The following CCNE2 variants were observed in gnomAD, a reference collection of about 807,000 sequenced individuals.
CCNE2 encodes G1/S-specific cyclin-E2.
CCNE2 carries 18 observed loss-of-function variants against 56.8 expected under a neutral mutation model. That is an observed-to-expected ratio of 0.32 (90% CI 0.22 to 0.47). CCNE2 has a LOEUF of 0.47. Among genes scored for constraint, CCNE2 ranks in the 20% least tolerant of loss-of-function variants. CCNE2 has a pLI of 1.00. For synonymous variants in CCNE2, 139 were observed against 149.2 expected, an observed-to-expected ratio of 0.93 and a Z score of 0.50; for missense variants, 371 against 467.1, an observed-to-expected ratio of 0.79 and a Z score of 1.90.
At position 94,882,861 on chromosome 8, in the gene CCNE2, G is replaced by C; in HGVS notation, c.863C>G (p.Ser288Ter). Residue 288 changes from serine to a stop codon, truncating the protein, a stop_gained, in exon 10 of 12, where the codon TCA becomes TGA. Transcript: ENST00000308108. LOFTEE classifies it high-confidence loss of function. Reference protein sequence around the residue: ...LLDLCILAIDSLEFQYRILTA... With the variant: ...LLDLCILAID ...CAGTATTCTGTACTGGAACTCTAAT[G>C]AATCAATGGCTAGAATACACAGATC... 6.2e-7 allele frequency: 1 copy of C among 1,613,146 alleles called. No homozygotes were observed.
intron 6 of CCNE2, among the ~76,000 whole-genome samples, chr8:94,889,102 C>T (rs921147795): frequency 1.3e-5 from 2 of 151,214 alleles, no homozygotes; most frequent in African/African-American, 4.9e-5. Flanking sequence ...GAGCTGAGAT[C>T]GTGCCATTCC....
intron 1 of CCNE2, 189 bp from the exon 2 acceptor site, chr8:94,894,436 C>T (rs1295179859): frequency 1.5e-5 from 9 of 597,354 alleles, no homozygotes; most frequent in Non-Finnish European, 2.7e-5. Flanking sequence ...GCCTGCATTT[C>T]CTCAACTGAA....
intron 9 of CCNE2, among the ~76,000 whole-genome samples, 154 bp from the exon 10 acceptor site, chr8:94,883,046 C>T (rs1456548934): frequency 2.0e-5 from 3 of 152,020 alleles, no homozygotes; most frequent in Non-Finnish European, 2.9e-5. Flanking sequence ...GAGGCCGAGG[C>T]GGGTGGATCA....
In CCNE2 at chr8:94,881,753, T is replaced by G. The variant is rs749378942; in HGVS notation, c.1102-8A>C. 1.2e-6 allele frequency: 2 copies of G among 1,613,376 alleles called. No individual in the cohort carries two copies. The highest frequency in any genetic ancestry group is 1.1e-5 in the South Asian group (1 of 90,986). The stretch of plus-strand genomic sequence containing the variant: ...TATGTAATTTACTTCCTCCTATACA[T>G]GGGAAGAAATCATGCACTGATTTCA... On this transcript the variant is annotated splice_polypyrimidine_tract_variant and splice_region_variant and intron_variant, in intron 11 of 11. Coordinates refer to ENST00000308108, the MANE Select transcript of CCNE2 (RefSeq NM_057749.3).
At position 94,893,954 on chromosome 8, in the gene CCNE2, A is replaced by G. The variant is rs1486141052; in HGVS notation, c.112-10T>C. The G allele has an allele frequency of 2.5e-6, 4 of 1,613,802 alleles. No homozygotes were observed. The highest frequency in any genetic ancestry group is 2.7e-5 in the African/African-American group (2 of 74,812). On this transcript the variant is annotated splice_polypyrimidine_tract_variant and intron_variant, in intron 3 of 11. Transcript: ENST00000308108. ...TTCTTTTTTTGACATCCTGGAAAAT[A>G]GAAAAGACCATTGGTAAACTAAAGT... is the stretch of plus-strand genomic sequence containing the variant.
Position 94,885,733 on chromosome 8 carries a change from T to C in CCNE2, c.601-175A>G, listed in dbSNP as rs529434899. On this transcript the variant is annotated intron_variant, in intron 7 of 11. Transcript: ENST00000308108. ...CAAAAAGTACATTTTCTTTCTTTTT[T>C]TTTTTTTTTTTTTTTGAGGCAGAGT... is the stretch of plus-strand genomic sequence containing the variant. 2.3e-4 allele frequency among the ~76,000 whole-genome samples: 34 copies of C among 147,826 alleles called. 2 individuals carry two copies. The South Asian group carries it at 6.2e-3, about 27-fold the overall frequency.
At chr8:94,890,591 AT>A (rs33988905) in intron 5 of CCNE2, 41 bp from the exon 6 acceptor site, 17,806 of 307,060 alleles carry the variant, frequency 0.058, 100 homozygotes, top group Non-Finnish European at 0.064. Context: ...ATATATATAT[AT>A]TTTTTTTTTT....
In CCNE2 at chr8:94,892,138, T is replaced by C. The variant is rs1392842694; in HGVS notation, c.317+680A>G. On this transcript the variant is annotated intron_variant, in intron 5 of 11. Coordinates refer to ENST00000308108, the MANE Select transcript of CCNE2 (RefSeq NM_057749.3). ...GCACTAAAATAAATGCAATTAAAAG[T>C]GAAAAAAAATGTTTTCTCAAGAGCA... is the stretch of plus-strand genomic sequence containing the variant. 6 of 552,864 alleles carry C rather than the reference T, an allele frequency of 1.1e-5. No homozygotes were observed. In the Admixed American group the frequency reaches 1.1e-4, roughly 10 times the overall value. The allele number at this position is 552,864 out of a possible 1,614,324, so 34.2% of individuals were successfully genotyped here.
intron 6 of CCNE2, 72 bp from the exon 7 acceptor site, chr8:94,888,145 A>G: frequency 9.1e-7 from 1 of 1,100,076 alleles, no homozygotes; most frequent in South Asian, 1.6e-5. Flanking sequence ...CTCTTAGCAT[A>G]TCAGACTTTA....
upstream of CCNE2, chr8:94,895,209 G>C (rs1480524109): frequency 1.0e-6 from 1 of 985,712 alleles, no homozygotes; most frequent in Non-Finnish European, 1.2e-6. Flanking sequence ...CTCAGCTGGC[G>C]CCGGCGCCAA....
At chr8:94,882,345 T>A (rs929401382) in intron 10 of CCNE2, 56 bp from the exon 11 acceptor site, 2 of 1,360,420 alleles carry the variant, frequency 1.5e-6, no homozygotes, top group African/African-American at 2.9e-5. Flanking sequence ...AGAAACTATC[T>A]TACATATGTC....
intron 6 of CCNE2, among the ~76,000 whole-genome samples, chr8:94,889,803 A>T (rs28399567): frequency 6.6e-6 from 1 of 152,224 alleles, no homozygotes; most frequent in Non-Finnish European, 1.5e-5. Context: ...TTTTAGAGCT[A>T]TTATCCAGAG....
chr8:94,894,260 G>A lies in CCNE2; in HGVS notation c.-26-13C>T, dbSNP rs778427929. ...GTGTATAAAACCTCTGAAGGGGGGA[G>A]AGGAAAAGCCGCAGTCAAGTACATT... On this transcript the variant is annotated splice_polypyrimidine_tract_variant and intron_variant, in intron 1 of 11. Transcript: ENST00000308108. The A allele has an allele frequency of 1.2e-6, 2 of 1,612,412 alleles. No individual in the cohort carries two copies. Among genetic ancestry groups the A allele is most frequent in the Non-Finnish European group, 1.7e-6 (2 of 1,179,554 alleles).
chr8:94,891,457 G>C, intron 5 of CCNE2: 1 of 278,238 alleles, frequency 3.6e-6, no homozygotes, highest in Non-Finnish European at 7.0e-6. Flanking sequence ...TCAGGAGTTC[G>C]AGACCAGCCT....
At chr8:94,888,186 C>T in intron 6 of CCNE2, 113 bp from the exon 7 acceptor site, 1 of 649,906 alleles carries the variant, frequency 1.5e-6, no homozygotes. Context: ...GATAGCAAAG[C>T]TAAGATAGGA....
upstream of CCNE2, chr8:94,895,226 A>G (rs965690570): frequency 8.1e-6 from 8 of 985,170 alleles, no homozygotes; most frequent in Non-Finnish European, 9.6e-6. Context: ...CCAACCCAAT[A>G]TATAGGCCGG....
rs757453877 is a variant in CCNE2, at chr8:94,882,299, T to C, written c.944-10A>G. 4 of 1,575,560 alleles carry C rather than the reference T, an allele frequency of 2.5e-6. No individual in the cohort carries two copies. Among genetic ancestry groups the C allele is most frequent in the East Asian group, 4.5e-5 (2 of 44,198 alleles). On this transcript the variant is annotated splice_polypyrimidine_tract_variant and intron_variant, in intron 10 of 11. Transcript: ENST00000308108. ...CTGTCCCACTCCAAACCTAGATAGA[T>C]AGAAAAAAGTTAGAAAAGCATGAAG...
chr8:94,885,021 C>T (rs770594659), intron 9 of CCNE2, 46 bp downstream of exon 9: 14 of 1,562,008 alleles, frequency 9.0e-6, no homozygotes, highest in Middle Eastern at 1.9e-4. Flanking sequence ...TACACTAAAA[C>T]CTGTAATTAA....
At chr8:94,896,290 G>T (rs1191130640), upstream of CCNE2, among the ~76,000 whole-genome samples, 5 of 148,526 alleles carry the variant, frequency 3.4e-5, no homozygotes, top group Non-Finnish European at 7.5e-5. Context: ...CCGCCAGCGC[G>T]CCCTGCGGAG....
Sources: allele counts gnomAD v4.1 joint callset (sites outside exome capture counted in the v4.1 genomes callset), GRCh38; gene constraint gnomAD v4.1.1; transcripts MANE v1.5; gene names NCBI Gene and HGNC (gene_info 2026-07-23, HGNC 2026-07-21).